The following DPP6 variants were observed in gnomAD, a reference collection of about 807,000 sequenced individuals.
DPP6 encodes the protein dipeptidyl peptidase like 6, also known as A-type potassium channel modulatory protein DPP6.
A neutral mutation model predicts 122.6 loss-of-function variants in DPP6; 69 were observed. The ratio of observed to expected loss-of-function variants is 0.56; its 90% CI spans 0.46 to 0.69. DPP6 has a LOEUF of 0.69. Among genes scored for constraint, DPP6 ranks in the 30% least tolerant of loss-of-function variants. DPP6 has a pLI of 0.00. For synonymous variants in DPP6, 418 were observed against 433.1 expected (o/e 0.97, Z 0.43); for missense variants, 928 against 1,116.9 (o/e 0.83, Z 2.41).
At chr7:153,874,470 G>A in the DPP6 span, among the ~76,000 whole-genome samples, 15 of 152,280 alleles carry the variant, frequency 9.9e-5, no homozygotes, top group African/African-American at 3.6e-4. Context: ...CCACCTGCCG[G>A]GTTCAAGCGA....
intron 5 of DPP6, among the ~76,000 whole-genome samples, chr7:154,598,426 T>G (rs530648975): frequency 6.6e-6 from 1 of 152,196 alleles, no homozygotes; most frequent in African/African-American, 2.4e-5. Context: ...CTTTGGCCAT[T>G]GTGTAGATCC....
At chr7:154,160,904 C>A (rs1035532944) in intron 1 of DPP6, among the ~76,000 whole-genome samples, 5 of 152,020 alleles carry the variant, frequency 3.3e-5, no homozygotes, top group African/African-American at 1.2e-4. Flanking sequence ...CATGCAAAAC[C>A]GCCGACAGCA....
intron 1 of DPP6, among the ~76,000 whole-genome samples, chr7:154,373,521 G>A (rs1480980375): frequency 6.6e-6 from 1 of 152,150 alleles, no homozygotes. Flanking sequence ...GGCACAATTT[G>A]CACTAAATGC....
intron 8 of DPP6, among the ~76,000 whole-genome samples, chr7:154,742,075 C>T (rs957551780): frequency 2.0e-5 from 3 of 152,106 alleles, no homozygotes; most frequent in Admixed American, 6.5e-5. Flanking sequence ...CCCCACCCAA[C>T]GGGGTACCTG....
chr7:153,995,083 C>G (rs942035539), intron 1 of DPP6, among the ~76,000 whole-genome samples: 1 of 152,206 alleles, frequency 6.6e-6, no homozygotes, highest in African/African-American at 2.4e-5. Flanking sequence ...CAAGAAATCT[C>G]AGAATGACTG....
At chr7:153,808,974 C>G in the DPP6 span, among the ~76,000 whole-genome samples, 1 of 151,984 alleles carries the variant, frequency 6.6e-6, no homozygotes, top group African/African-American at 2.4e-5. Context: ...AACCTCCATA[C>G]TACTTTCCAT....
chr7:153,810,763 C>T, the DPP6 span, among the ~76,000 whole-genome samples: 954 of 148,780 alleles, frequency 6.4e-3, 9 homozygotes, highest in Non-Finnish European at 8.7e-3. Context: ...ATAGTTCTTG[C>T]TAAGATACTC....
chr7:154,292,030 G>A (rs1420602469), intron 1 of DPP6, among the ~76,000 whole-genome samples: 1 of 152,078 alleles, frequency 6.6e-6, no homozygotes, highest in Non-Finnish European at 1.5e-5. Flanking sequence ...AAAGGAAGAA[G>A]GTAGCCCTGA....
chr7:154,306,950 C>A (rs1046852617), intron 1 of DPP6, among the ~76,000 whole-genome samples: 1 of 152,148 alleles, frequency 6.6e-6, no homozygotes, highest in Non-Finnish European at 1.5e-5. Context: ...AACTGGGTTT[C>A]TTTTTATTAC....
intron 1 of DPP6, among the ~76,000 whole-genome samples, chr7:153,969,543 T>G (rs1795925895): frequency 6.8e-6 from 1 of 147,682 alleles, no homozygotes; most frequent in Non-Finnish European, 1.5e-5. Context: ...TCCCCAAAAC[T>G]TTGACAGAAA....
intron 2 of DPP6, among the ~76,000 whole-genome samples, chr7:154,456,710 A>G (rs1218037524): frequency 6.6e-6 from 1 of 152,180 alleles, no homozygotes; most frequent in Non-Finnish European, 1.5e-5. Context: ...CCTCAATGTG[A>G]TCACATGTGT....
chr7:154,843,383 G>A (rs7785364), intron 16 of DPP6, among the ~76,000 whole-genome samples: 96,829 of 152,106 alleles, frequency 0.64, 31,157 homozygotes, highest in East Asian at 0.96. Context: ...ATATTGGCTG[G>A]GAAAAAAACA....
At chr7:153,895,479 C>A (rs1799368819) in intron 1 of DPP6, among the ~76,000 whole-genome samples, 1 of 152,210 alleles carries the variant, frequency 6.6e-6, no homozygotes, top group Admixed American at 6.5e-5. Context: ...CTTTAGAAGT[C>A]ACCTTCCATG....
intron 8 of DPP6, among the ~76,000 whole-genome samples, chr7:154,754,906 C>T (rs1050326984): frequency 2.0e-5 from 3 of 152,152 alleles, no homozygotes; most frequent in South Asian, 2.1e-4. Flanking sequence ...TATTCTCACT[C>T]GTAAGTGGGA....
intron 1 of DPP6, among the ~76,000 whole-genome samples, chr7:154,408,606 T>C (rs1300110624): frequency 6.6e-6 from 1 of 152,228 alleles, no homozygotes; most frequent in East Asian, 1.9e-4. Context: ...CTGGCATTGA[T>C]ACACGGCTAT....
chr7:154,078,878 A>ATT (rs977494446), intron 1 of DPP6, among the ~76,000 whole-genome samples: 1 of 146,216 alleles, frequency 6.8e-6, no homozygotes, highest in African/African-American at 2.5e-5. Flanking sequence ...ATGATTGTAG[A>ATT]TTTTTTAAAT....
chr7:154,277,697 A>G (rs1396902765), intron 1 of DPP6, among the ~76,000 whole-genome samples: 2 of 152,198 alleles, frequency 1.3e-5, no homozygotes, highest in Non-Finnish European at 2.9e-5. Context: ...CCTGGGAGGC[A>G]GAGGTTGCAG....
the DPP6 span, among the ~76,000 whole-genome samples, chr7:153,878,012 G>A: frequency 6.6e-6 from 1 of 152,072 alleles, no homozygotes; most frequent in East Asian, 1.9e-4. Flanking sequence ...ACATATAAAA[G>A]CTTTCCTTTT....
chr7:154,711,888 A>G (rs1376912613), intron 7 of DPP6, among the ~76,000 whole-genome samples: 1 of 151,290 alleles, frequency 6.6e-6, no homozygotes, highest in Non-Finnish European at 1.5e-5. Flanking sequence ...TTTTATTGTA[A>G]TTTACTTTGA....
Sources: gnomAD v4.1 joint callset for allele counts (sites outside exome capture counted in the v4.1 genomes callset) on GRCh38, gnomAD v4.1.1 for gene constraint, MANE v1.5 for transcripts, NCBI Gene and HGNC (gene_info 2026-07-23, HGNC 2026-07-21) for gene names.